The following DPYD variants were observed in gnomAD, a reference collection of about 807,000 sequenced individuals.
DPYD encodes dihydropyrimidine dehydrogenase [NADP(+)].
Under a neutral mutation model 116.2 loss-of-function variants are expected in DPYD, and 109 were observed. The ratio of observed to expected loss-of-function variants is 0.94; its 90% confidence interval spans 0.80 to 1.10. The LOEUF (loss-of-function observed/expected upper bound fraction) is 1.10. Ranked by LOEUF, DPYD falls within the 50% of genes least tolerant of loss-of-function variation. DPYD has a pLI of 0.00. For synonymous variants in DPYD, 440 were observed against 432.0 expected (o/e 1.02, Z -0.23); for missense variants, 1,302 against 1,254.5 (o/e 1.04, Z -0.57).
Position 97,400,045 on chromosome 1 carries a change from T to C in DPYD, c.1906-17584A>G, listed in dbSNP as rs538093450. Reference sequence around the variant, plus strand: ...TTGTGCCAGTTTTCAAAGGGAATGCTTCCAGTTTTTGCCCATTCAGTATGA... The same window carrying C: ...TTGTGCCAGTTTTCAAAGGGAATGCCTCCAGTTTTTGCCCATTCAGTATGA... On this transcript the variant is annotated intron_variant, in intron 14 of 22. Transcript: ENST00000370192. 9.2e-5 allele frequency among the ~76,000 whole-genome samples: 14 copies of C among 152,316 alleles called. No individual in the cohort carries two copies. The South Asian group carries it at 2.9e-3, about 32-fold the overall frequency.
At chr1:97,832,342 T>C (rs530554351) in intron 2 of DPYD, among the ~76,000 whole-genome samples, 1 of 151,900 alleles carries the variant, frequency 6.6e-6, no homozygotes, top group African/African-American at 2.4e-5. Context: ...TTCTAAAGAG[T>C]AAACTGCATA....
intron 8 of DPYD, among the ~76,000 whole-genome samples, chr1:97,627,002 A>G (rs1294988639): frequency 6.6e-6 from 1 of 152,026 alleles, no homozygotes; most frequent in Admixed American, 6.6e-5. Flanking sequence ...TAGGAGCTGG[A>G]AATCTCAGAT....
At chr1:97,267,604 G>T (rs1664319362) in intron 18 of DPYD, among the ~76,000 whole-genome samples, 2 of 151,908 alleles carry the variant, frequency 1.3e-5, no homozygotes, top group African/African-American at 4.8e-5. Context: ...TTTATAATGG[G>T]CATTAATCCA....
chr1:97,292,709 C>A (rs542067676), intron 18 of DPYD, among the ~76,000 whole-genome samples: 1 of 109,454 alleles, frequency 9.1e-6, no homozygotes, highest in African/African-American at 3.4e-5. Context: ...TGCACGCGCG[C>A]GCACACGCGC....
chr1:97,245,139 C>T (rs757803548), intron 18 of DPYD, among the ~76,000 whole-genome samples: 6 of 152,056 alleles, frequency 3.9e-5, no homozygotes, highest in African/African-American at 7.2e-5. Flanking sequence ...TATATCCTCA[C>T]GACATCATTA....
chr1:97,657,558 C>T (rs1454088721), intron 8 of DPYD, among the ~76,000 whole-genome samples: 1 of 152,112 alleles, frequency 6.6e-6, no homozygotes, highest in Non-Finnish European at 1.5e-5. Context: ...AGTGAAAACA[C>T]ATTCTCTTGC....
chr1:97,868,214 T>C (rs1287146251), intron 2 of DPYD, among the ~76,000 whole-genome samples: 2 of 151,658 alleles, frequency 1.3e-5, no homozygotes, highest in Non-Finnish European at 1.5e-5. Flanking sequence ...AAGAAAACAA[T>C]TGAAGAAGAG....
intron 12 of DPYD, among the ~76,000 whole-genome samples, chr1:97,526,203 G>A (rs974850090): frequency 1.3e-5 from 2 of 152,268 alleles, no homozygotes; most frequent in East Asian, 3.9e-4. Flanking sequence ...AAGATCTCAT[G>A]AAACTCATGC....
intron 12 of DPYD, among the ~76,000 whole-genome samples, chr1:97,536,037 T>C (rs947876266): frequency 1.3e-5 from 2 of 152,206 alleles, no homozygotes; most frequent in African/African-American, 4.8e-5. Context: ...GAAGAAGACT[T>C]CATTTTTCTA....
intron 5 of DPYD, among the ~76,000 whole-genome samples, chr1:97,705,932 CTTT>C (rs1328452394): frequency 6.6e-6 from 1 of 151,952 alleles, no homozygotes; most frequent in Non-Finnish European, 1.5e-5. Context: ...TAAATGTCTT[CTTT>C]TGAGAAGTGT....
At chr1:97,445,215 T>G (rs918470130) in intron 14 of DPYD, among the ~76,000 whole-genome samples, 2 of 152,180 alleles carry the variant, frequency 1.3e-5, no homozygotes, top group African/African-American at 4.8e-5. Flanking sequence ...TTTAGCAACT[T>G]TCTCCTAATA....
chr1:97,094,766 G>A (rs531727293), intron 21 of DPYD, among the ~76,000 whole-genome samples: 3 of 152,222 alleles, frequency 2.0e-5, no homozygotes, highest in Non-Finnish European at 4.4e-5. Context: ...GAAACGTTTA[G>A]ATTTATCATA....
chr1:97,462,784 G>C (rs1677098181), intron 13 of DPYD, among the ~76,000 whole-genome samples: 1 of 152,162 alleles, frequency 6.6e-6, no homozygotes, highest in Non-Finnish European at 1.5e-5. Flanking sequence ...ACTTTCTGTA[G>C]AGAATCCCCT....
At chr1:97,090,808 C>A (rs1049961806) in intron 21 of DPYD, among the ~76,000 whole-genome samples, 1 of 152,182 alleles carries the variant, frequency 6.6e-6, no homozygotes, top group Non-Finnish European at 1.5e-5. Flanking sequence ...TATATGTTAG[C>A]ACTACATCTC....
intron 16 of DPYD, among the ~76,000 whole-genome samples, chr1:97,369,343 A>G (rs1046980535): frequency 6.6e-6 from 1 of 152,172 alleles, no homozygotes; most frequent in African/African-American, 2.4e-5. Flanking sequence ...GTAGTTTCAT[A>G]TATTTAGAGA....
chr1:97,259,490 A>C (rs1474995646), intron 18 of DPYD, among the ~76,000 whole-genome samples: 2 of 152,046 alleles, frequency 1.3e-5, no homozygotes, highest in African/African-American at 4.8e-5. Flanking sequence ...CTCCTGCCTC[A>C]GCCTCCTAAG....
At chr1:97,772,308 T>C (rs1452208396) in intron 3 of DPYD, among the ~76,000 whole-genome samples, 1 of 152,182 alleles carries the variant, frequency 6.6e-6, no homozygotes, top group Non-Finnish European at 1.5e-5. Flanking sequence ...AAATCCATGT[T>C]TGACCTTAAA....
rs79028480 is a variant in DPYD, at chr1:97,298,720, A to G, written c.2299+6539T>C. ...GATGCTTAGGGATTTAGGACGACGA[A>G]TGGATAGAGATGGTGAGGAATCTCA... On this transcript the variant is annotated intron_variant, in intron 18 of 22. Transcript: ENST00000370192. Among the ~76,000 whole-genome samples, 106 of 152,230 alleles carry G rather than the reference A, an allele frequency of 7.0e-4. 1 individual carries two copies. In the East Asian group the frequency reaches 8.9e-3, roughly 13 times the overall value.
At chr1:97,391,910 G>T (rs1010979475) in intron 14 of DPYD, among the ~76,000 whole-genome samples, 1 of 151,996 alleles carries the variant, frequency 6.6e-6, no homozygotes, top group East Asian at 1.9e-4. Context: ...TGTTTCTTTT[G>T]TCTAAATGTA....
Sources: gnomAD v4.1 joint callset for allele counts (sites outside exome capture counted in the v4.1 genomes callset) on GRCh38, gnomAD v4.1.1 for gene constraint, MANE v1.5 for transcripts, NCBI Gene and HGNC (gene_info 2026-07-23, HGNC 2026-07-21) for gene names.